FSIP1: variants seen among roughly 807,000 people sequenced by gnomAD.
The protein encoded by FSIP1 is fibrous sheath-interacting protein 1.
FSIP1 carries 65 observed loss-of-function variants against 60.9 expected under a neutral mutation model. That is an observed-to-expected ratio of 1.07 (90% confidence interval 0.87 to 1.31). The LOEUF is 1.31. Among genes scored for constraint, FSIP1 ranks in the 40% most tolerant of loss-of-function variants. FSIP1 has a pLI of 0.00. For missense variants in FSIP1, 675 were observed against 665.5 expected, an observed-to-expected ratio of 1.01 and a Z score of -0.16; for synonymous variants, 209 against 221.2, an observed-to-expected ratio of 0.94 and a Z score of 0.49.
chr15:39,631,195 A>G (rs146101069), intron 10 of FSIP1, among the ~76,000 whole-genome samples: 2,553 of 152,100 alleles, frequency 0.017, 78 homozygotes, highest in African/African-American at 0.058. Flanking sequence ...GTGACATCGC[A>G]CCCCTAAAAA....
At chr15:39,622,962 T>G (rs17706179) in intron 10 of FSIP1, among the ~76,000 whole-genome samples, 19,638 of 152,084 alleles carry the variant, frequency 0.13, 1,472 homozygotes, top group Non-Finnish European at 0.17. Context: ...TTTATGCAAA[T>G]GTACACAGTG....
intron 3 of FSIP1, among the ~76,000 whole-genome samples, chr15:39,768,536 G>C (rs572089047): frequency 6.6e-6 from 1 of 152,212 alleles, no homozygotes; most frequent in East Asian, 1.9e-4. Flanking sequence ...AGTGAGAAGA[G>C]TGGTATTGTT....
intron 11 of FSIP1, 60 bp downstream of exon 11, chr15:39,617,675 C>T (rs1438988600): frequency 4.2e-6 from 6 of 1,415,424 alleles, no homozygotes; most frequent in Non-Finnish European, 4.9e-6. Flanking sequence ...AACCATAATA[C>T]CTTTATATTG....
intron 8 of FSIP1, among the ~76,000 whole-genome samples, chr15:39,732,619 C>CAAAAAAAAAAAA (rs56106819): frequency 1.2e-5 from 1 of 80,134 alleles, no homozygotes; most frequent in African/African-American, 4.3e-5. Context: ...AACTCCATCT[C>CAAAAAAAAAAAA]AAAAAAAAAA....
intron 11 of FSIP1, among the ~76,000 whole-genome samples, chr15:39,603,519 C>A (rs866600699): frequency 6.6e-6 from 1 of 152,168 alleles, no homozygotes; most frequent in Non-Finnish European, 1.5e-5. Context: ...AGAGACTGGG[C>A]AATCAAAAGT....
chr15:39,656,264 G>A (rs953762753), intron 10 of FSIP1, among the ~76,000 whole-genome samples: 14 of 152,200 alleles, frequency 9.2e-5, no homozygotes, highest in Admixed American at 7.9e-4. Flanking sequence ...TCAGCCTTGA[G>A]TATTGCATGG....
chr15:39,773,342 T>A (rs1897950523), intron 2 of FSIP1, among the ~76,000 whole-genome samples: 1 of 152,224 alleles, frequency 6.6e-6, no homozygotes, highest in African/African-American at 2.4e-5. Context: ...TGACTTTCTA[T>A]GAACTTGATT....
At chr15:39,624,137 A>G (rs893517144) in intron 10 of FSIP1, among the ~76,000 whole-genome samples, 1 of 152,238 alleles carries the variant, frequency 6.6e-6, no homozygotes, top group African/African-American at 2.4e-5. Flanking sequence ...AAACACAACC[A>G]TCCAAGCCCA....
Position 39,674,997 on chromosome 15 carries a change from C to A in FSIP1, c.1188+38447G>T, listed in dbSNP as rs1893880625. Among the ~76,000 whole-genome samples, 6 of 151,084 alleles carry A rather than the reference C, an allele frequency of 4.0e-5. No homozygotes were observed. The South Asian group carries it at 1.2e-3, about 31-fold the overall frequency. On this transcript the variant is annotated intron_variant, in intron 10 of 11. Transcript: ENST00000350221. ...AGAACTTCTATAATAACAAGAAAAA[C>A]TCAGACAATTCAAAAAAAACTGGGC...
intron 10 of FSIP1, among the ~76,000 whole-genome samples, chr15:39,667,840 T>C (rs1216725315): frequency 1.1e-4 from 17 of 152,190 alleles, no homozygotes. Context: ...GCAAAGCCTG[T>C]CAGAGGAATT....
chr15:39,727,612 G>A (rs779950533), intron 8 of FSIP1, among the ~76,000 whole-genome samples: 55 of 152,166 alleles, frequency 3.6e-4, no homozygotes, highest in Middle Eastern at 3.2e-3. Context: ...TGTTTTCTGG[G>A]AACACAGAAC....
At position 39,726,613 on chromosome 15, in the gene FSIP1, T is replaced by C; in HGVS notation, c.1026A>G (p.Pro342=). The part of the protein sequence containing the change: ...AASPTISSFS[P]RLENRNNQKP... ...CCTGATTATTCCGATTTTCAAGTCT[T>C]GGAGAAAAACTGGAAATTGTAGGGG... is the stretch of plus-strand genomic sequence containing the variant. The change falls in exon 9 of 12, where the codon CCA becomes CCG. Residue 342 remains proline (P), a synonymous_variant. Transcript: ENST00000350221. 6.2e-7 allele frequency: 1 copy of C among 1,614,132 alleles called. No homozygotes were observed. The highest frequency in any genetic ancestry group is 8.5e-7 in the Non-Finnish European group (1 of 1,180,020).
chr15:39,617,970 C>T lies in FSIP1; in HGVS notation c.1464G>A (p.Leu488=). 1.2e-6 allele frequency: 2 copies of T among 1,614,150 alleles called. No homozygotes were observed. The highest frequency in any genetic ancestry group is 8.5e-7 in the Non-Finnish European group (1 of 1,180,022). The stretch of plus-strand genomic sequence containing the variant: ...GAGCTTCTGACATGTTATGTCCAGT[C>T]AAGGCTTTAGTGAGATAGTAGCCTT... The part of the protein sequence containing the change: ...ASKGYYLTKA[L]TGHNMSEALV... Residue 488 remains leucine (L), a synonymous_variant, in exon 11 of 12, where the codon TTG becomes TTA. Coordinates refer to ENST00000350221, the MANE Select transcript of FSIP1 (RefSeq NM_152597.5).
At chr15:39,695,470 C>G (rs1242000938) in intron 10 of FSIP1, among the ~76,000 whole-genome samples, 2 of 151,924 alleles carry the variant, frequency 1.3e-5, no homozygotes, top group Middle Eastern at 3.2e-3. Context: ...TTATATACTC[C>G]CATGAGTTAT....
chr15:39,616,497 A>G (rs1208586163), intron 11 of FSIP1, among the ~76,000 whole-genome samples: 1 of 152,190 alleles, frequency 6.6e-6, no homozygotes, highest in Non-Finnish European at 1.5e-5. Flanking sequence ...ATCAGAGAGG[A>G]TAAGGTTGGA....
chr15:39,757,461 T>C (rs904881303), intron 5 of FSIP1, among the ~76,000 whole-genome samples: 1 of 152,114 alleles, frequency 6.6e-6, no homozygotes, highest in Non-Finnish European at 1.5e-5. Context: ...ATACCAAGTT[T>C]AAGCTGATTA....
chr15:39,660,406 G>A lies in FSIP1; in HGVS notation c.1189-42161C>T, dbSNP rs558344979. On this transcript the variant is annotated intron_variant, in intron 10 of 11. Transcript: ENST00000350221. ...TAGCTGAATTGAATTATCAGAAAAG[G>A]GTAGGGGGAGGAGAGATCACTGAGT... 5.1e-4 allele frequency among the ~76,000 whole-genome samples: 77 copies of A among 152,314 alleles called. No individual in the cohort carries two copies. In the Middle Eastern group the frequency reaches 0.01, roughly 20 times the overall value.
chr15:39,685,417 T>C (rs1215915406), intron 10 of FSIP1, among the ~76,000 whole-genome samples: 2 of 152,218 alleles, frequency 1.3e-5, no homozygotes, highest in Non-Finnish European at 2.9e-5. Context: ...AGTCCTTTCC[T>C]ATAAATCCCC....
At chr15:39,661,664 G>A (rs1333081383) in intron 10 of FSIP1, among the ~76,000 whole-genome samples, 1 of 152,176 alleles carries the variant, frequency 6.6e-6, no homozygotes, top group Non-Finnish European at 1.5e-5. Flanking sequence ...TATGGGTTTG[G>A]TTATAGATTG....
Sources: allele counts gnomAD v4.1 joint callset (sites outside exome capture counted in the v4.1 genomes callset), GRCh38; gene constraint gnomAD v4.1.1; transcripts MANE v1.5; gene names NCBI Gene and HGNC (gene_info 2026-07-23, HGNC 2026-07-21).